The following MAML3 variants were observed in gnomAD, a reference collection of about 807,000 sequenced individuals.
MAML3 encodes the protein mastermind-like protein 3.
Under a neutral mutation model 101.9 loss-of-function variants are expected in MAML3, and 27 were observed. The ratio of observed to expected loss-of-function variants is 0.27; its 90% CI spans 0.20 to 0.37. The LOEUF (loss-of-function observed/expected upper bound fraction) is 0.37. MAML3 is among the 10% of genes least tolerant of loss of function. MAML3 has a pLI of 1.00. For synonymous variants in MAML3, 501 were observed against 555.9 expected, an observed-to-expected ratio of 0.90 and a Z score of 1.39; for missense variants, 1,316 against 1,444.9, an observed-to-expected ratio of 0.91 and a Z score of 1.45.
At chr4:139,992,292 T>C (rs186987256) in intron 1 of MAML3, among the ~76,000 whole-genome samples, 5 of 152,344 alleles carry the variant, frequency 3.3e-5, no homozygotes, top group Admixed American at 3.3e-4. Context: ...GATTCTGTTA[T>C]GAACATTTGT....
chr4:139,844,777 A>C (rs1356361979), intron 2 of MAML3, among the ~76,000 whole-genome samples: 1 of 152,234 alleles, frequency 6.6e-6, no homozygotes, highest in Non-Finnish European at 1.5e-5. Flanking sequence ...GTGGGATGAC[A>C]TAAAATGAGA....
chr4:139,834,306 A>G (rs56726899), intron 2 of MAML3, among the ~76,000 whole-genome samples: 8,042 of 152,316 alleles, frequency 0.053, 701 homozygotes, highest in African/African-American at 0.18. Context: ...CTCTTGCAAC[A>G]ATACAATACT....
chr4:140,017,024 A>G (rs1327155762), intron 1 of MAML3, among the ~76,000 whole-genome samples: 1 of 152,230 alleles, frequency 6.6e-6, no homozygotes, highest in Non-Finnish European at 1.5e-5. Context: ...GAACAATCAC[A>G]TGTTGGGAGA....
At chr4:139,951,692 G>C (rs1733834030) in intron 1 of MAML3, among the ~76,000 whole-genome samples, 2 of 151,816 alleles carry the variant, frequency 1.3e-5, no homozygotes, top group Non-Finnish European at 1.5e-5. Flanking sequence ...CTCCAACACT[G>C]AACTCAACAA....
At chr4:139,798,030 GAGAGAGAAAGAA>G (rs1297507726) in intron 2 of MAML3, among the ~76,000 whole-genome samples, 5 of 108,946 alleles carry the variant, frequency 4.6e-5, no homozygotes, top group African/African-American at 6.7e-5. Flanking sequence ...AGAAAGGAGA[GAGAGAGAAAGAA>G]AGAAAGAAAG....
At chr4:139,942,203 CAGGCAGGA>C (rs1229383925) in intron 1 of MAML3, among the ~76,000 whole-genome samples, 416 of 151,450 alleles carry the variant, frequency 2.7e-3, no homozygotes, top group Middle Eastern at 0.01. Flanking sequence ...GGCAGGCAGG[CAGGCAGGA>C]AGGAAGACAT....
intron 1 of MAML3, among the ~76,000 whole-genome samples, chr4:139,950,400 C>A (rs548791882): frequency 6.6e-6 from 1 of 152,212 alleles, no homozygotes; most frequent in South Asian, 2.1e-4. Context: ...TTTGGACTTG[C>A]CAGCCCCCAC....
At chr4:139,892,297 C>A (rs1202274504) in intron 1 of MAML3, among the ~76,000 whole-genome samples, 1 of 152,208 alleles carries the variant, frequency 6.6e-6, no homozygotes, top group Non-Finnish European at 1.5e-5. Context: ...CATCACTGTT[C>A]CCCATCTCAG....
intron 1 of MAML3, among the ~76,000 whole-genome samples, chr4:140,074,166 G>GAAAGA (rs1484120879): frequency 4.9e-4 from 23 of 46,598 alleles, no homozygotes; most frequent in East Asian, 1.4e-3. Context: ...GAGAGAGAAA[G>GAAAGA]GAAAGAAAGA....
At chr4:139,945,654 A>G (rs1733713466) in intron 1 of MAML3, among the ~76,000 whole-genome samples, 1 of 152,248 alleles carries the variant, frequency 6.6e-6, no homozygotes, top group Non-Finnish European at 1.5e-5. Flanking sequence ...TGTTTCACTG[A>G]TTTTAAGCAG....
intron 1 of MAML3, among the ~76,000 whole-genome samples, chr4:140,011,287 C>T (rs1726556051): frequency 7.4e-6 from 1 of 135,134 alleles, no homozygotes; most frequent in African/African-American, 2.6e-5. Flanking sequence ...ACTTTGATGA[C>T]TTTACCAAAC....
intron 1 of MAML3, among the ~76,000 whole-genome samples, chr4:140,141,721 G>C (rs868769175): frequency 2.0e-5 from 3 of 152,126 alleles, no homozygotes; most frequent in Non-Finnish European, 4.4e-5. Context: ...CCAAATACAC[G>C]GCCTTTAAAA....
chr4:140,092,660 G>A (rs1341399704), intron 1 of MAML3, among the ~76,000 whole-genome samples: 3 of 152,228 alleles, frequency 2.0e-5, no homozygotes, highest in African/African-American at 7.2e-5. Flanking sequence ...GCCAGGCCCA[G>A]TCGACAGCAG....
chr4:140,132,694 C>A (rs6858531), intron 1 of MAML3, among the ~76,000 whole-genome samples: 1 of 152,060 alleles, frequency 6.6e-6, no homozygotes. Flanking sequence ...GAAGACTTCT[C>A]ACTTTGCACG....
chr4:139,877,113 A>G (rs149584634), intron 2 of MAML3, among the ~76,000 whole-genome samples: 1 of 152,248 alleles, frequency 6.6e-6, no homozygotes, highest in African/African-American at 2.4e-5. Flanking sequence ...GTCACTATTT[A>G]CTGCTGACTA....
intron 2 of MAML3, among the ~76,000 whole-genome samples, chr4:139,742,305 C>T (rs1452786142): frequency 2.6e-5 from 4 of 152,132 alleles, no homozygotes; most frequent in African/African-American, 7.2e-5. Context: ...TGTGCCACCA[C>T]GCCCGGCTAA....
chr4:140,050,757 C>T (rs1408294378), intron 1 of MAML3, among the ~76,000 whole-genome samples: 4 of 152,120 alleles, frequency 2.6e-5, no homozygotes, highest in African/African-American at 7.2e-5. Context: ...ACTCTCGCAG[C>T]GATTCTATAC....
intron 2 of MAML3, among the ~76,000 whole-genome samples, chr4:139,739,926 G>A (rs1272659279): frequency 6.6e-6 from 1 of 152,098 alleles, no homozygotes; most frequent in Non-Finnish European, 1.5e-5. Flanking sequence ...GAGGGGCCCA[G>A]GTTATGTCTG....
At chr4:139,862,221 A>G (rs1158609825) in intron 2 of MAML3, among the ~76,000 whole-genome samples, 1 of 152,154 alleles carries the variant, frequency 6.6e-6, no homozygotes, top group African/African-American at 2.4e-5. Context: ...AAAAACAAAC[A>G]AACAAAAAAA....
Sources: gnomAD v4.1 joint callset for allele counts (sites outside exome capture counted in the v4.1 genomes callset) on GRCh38, gnomAD v4.1.1 for gene constraint, MANE v1.5 for transcripts, NCBI Gene and HGNC (gene_info 2026-07-23, HGNC 2026-07-21) for gene names.